The following ENTREP2 variants were observed in gnomAD, a reference collection of about 807,000 sequenced individuals.
ENTREP2 encodes protein ENTREP2.
the ENTREP2 span, chr15:29,269,705 T>C: frequency 2.6e-6 from 4 of 1,529,570 alleles, no homozygotes; most frequent in Non-Finnish European, 3.5e-6. Context: ...TTTTGCAACA[T>C]GTCTCCGGCG....
the ENTREP2 span, among the ~76,000 whole-genome samples, chr15:29,588,842 A>G: frequency 1.3e-5 from 2 of 151,944 alleles, no homozygotes; most frequent in African/African-American, 4.8e-5. Context: ...CAAAAAAATT[A>G]GCCTGGCATG....
chr15:29,612,075 C>T, the ENTREP2 span, among the ~76,000 whole-genome samples: 2 of 152,202 alleles, frequency 1.3e-5, no homozygotes, highest in Non-Finnish European at 2.9e-5. Flanking sequence ...ACCAGCTTTT[C>T]TGCATCTCTG....
chr15:29,593,339 G>A, the ENTREP2 span, among the ~76,000 whole-genome samples: 2 of 152,042 alleles, frequency 1.3e-5, no homozygotes, highest in East Asian at 1.9e-4. Context: ...TTTGTGGCTG[G>A]TATGCCCTCA....
chr15:29,639,784 T>G, the ENTREP2 span, among the ~76,000 whole-genome samples: 9 of 149,436 alleles, frequency 6.0e-5, no homozygotes, highest in Non-Finnish European at 1.2e-4. Context: ...TTTTTTTTTT[T>G]TGAGACGAAG....
the ENTREP2 span, among the ~76,000 whole-genome samples, chr15:29,647,833 C>T: frequency 6.6e-6 from 1 of 152,106 alleles, no homozygotes; most frequent in Admixed American, 6.6e-5. Context: ...GGAAAAATGA[C>T]CATTTTGCCA....
At chr15:29,270,362 A>G in the ENTREP2 span, among the ~76,000 whole-genome samples, 1 of 152,202 alleles carries the variant, frequency 6.6e-6, no homozygotes, top group Non-Finnish European at 1.5e-5. Context: ...CAGTTTCACT[A>G]TTTCCGTATT....
chr15:29,533,675 G>A, the ENTREP2 span, among the ~76,000 whole-genome samples: 1 of 152,060 alleles, frequency 6.6e-6, no homozygotes, highest in Non-Finnish European at 1.5e-5. Context: ...AAAGTGTTCT[G>A]TCTGCAGACA....
chr15:29,627,372 G>A, the ENTREP2 span, among the ~76,000 whole-genome samples: 4 of 151,822 alleles, frequency 2.6e-5, no homozygotes, highest in South Asian at 2.1e-4. Context: ...GTGAAACTTC[G>A]TCTCTACTAA....
At chr15:29,474,047 C>A in the ENTREP2 span, among the ~76,000 whole-genome samples, 6 of 152,218 alleles carry the variant, frequency 3.9e-5, no homozygotes, top group Non-Finnish European at 8.8e-5. Context: ...CAATAGCAAA[C>A]CCTGAAGCAC....
At chr15:29,355,825 T>G in the ENTREP2 span, among the ~76,000 whole-genome samples, 1 of 152,224 alleles carries the variant, frequency 6.6e-6, no homozygotes, top group Non-Finnish European at 1.5e-5. Context: ...TGAAGTCAGA[T>G]AGTAAGCAAA....
At chr15:29,320,926 C>T in the ENTREP2 span, among the ~76,000 whole-genome samples, 12 of 151,956 alleles carry the variant, frequency 7.9e-5, no homozygotes, top group Non-Finnish European at 1.8e-4. Context: ...ATATGTATAA[C>T]AGGAATATTA....
At chr15:29,221,248 C>T in the ENTREP2 span, among the ~76,000 whole-genome samples, 1 of 151,628 alleles carries the variant, frequency 6.6e-6, no homozygotes, top group Admixed American at 6.6e-5. Flanking sequence ...GTCGCCCAGG[C>T]TGCAGTGCAG....
chr15:29,207,475 T>C, the ENTREP2 span, among the ~76,000 whole-genome samples: 7 of 151,424 alleles, frequency 4.6e-5, no homozygotes, highest in Non-Finnish European at 8.8e-5. Context: ...GGCCAGCTTT[T>C]ATTCCCTTAT....
the ENTREP2 span, among the ~76,000 whole-genome samples, chr15:29,293,818 G>A: frequency 1.3e-5 from 2 of 152,208 alleles, no homozygotes; most frequent in Non-Finnish European, 2.9e-5. Flanking sequence ...TCCACTGCCT[G>A]CACACCATGC....
chr15:29,396,123 C>G, the ENTREP2 span, among the ~76,000 whole-genome samples: 8 of 152,314 alleles, frequency 5.3e-5, no homozygotes, highest in Admixed American at 5.2e-4. Flanking sequence ...TTGATAAGAA[C>G]ATATGAAGTC....
chr15:29,255,063 A>T, the ENTREP2 span, among the ~76,000 whole-genome samples: 16 of 152,324 alleles, frequency 1.1e-4, no homozygotes, highest in African/African-American at 3.6e-4. Context: ...ACACAACTCC[A>T]GTAGACCTTG....
the ENTREP2 span, among the ~76,000 whole-genome samples, chr15:29,575,317 A>G: frequency 1.3e-5 from 2 of 152,192 alleles, no homozygotes; most frequent in African/African-American, 2.4e-5. Flanking sequence ...AATTATTTCT[A>G]TGAATAGAAT....
chr15:29,467,006 T>C, the ENTREP2 span, among the ~76,000 whole-genome samples: 1 of 102,644 alleles, frequency 9.7e-6, no homozygotes, highest in Non-Finnish European at 2.0e-5. Flanking sequence ...AGGATGCTGA[T>C]GGCCCCAGGG....
the ENTREP2 span, among the ~76,000 whole-genome samples, chr15:29,508,438 C>T: frequency 6.6e-6 from 1 of 152,150 alleles, no homozygotes; most frequent in Non-Finnish European, 1.5e-5. Context: ...CTGGCAGAGA[C>T]ACAACAAGAA....
Sources: allele counts gnomAD v4.1 joint callset (sites outside exome capture counted in the v4.1 genomes callset), GRCh38; gene constraint gnomAD v4.1.1; transcripts MANE v1.5; gene names NCBI Gene and HGNC (gene_info 2026-07-23, HGNC 2026-07-21).